TBC1D19: variants seen among roughly 807,000 people sequenced by gnomAD.
TBC1D19 encodes TBC1 domain family, member 19.
A neutral mutation model predicts 89.0 loss-of-function variants in TBC1D19; 60 were observed. That is an observed-to-expected ratio of 0.67 (90% CI 0.55 to 0.84). The LOEUF is 0.84. Among genes scored for constraint, TBC1D19 ranks in the 40% least tolerant of loss-of-function variants. The pLI, the probability that TBC1D19 is intolerant of heterozygous loss-of-function variation, is 0.00. For missense variants in TBC1D19, 500 were observed against 610.8 expected (o/e 0.82, Z 1.91); for synonymous variants, 189 against 199.7 (o/e 0.95, Z 0.45).
chr4:26,628,619 C>T (rs1742590571), intron 4 of TBC1D19, among the ~76,000 whole-genome samples: 1 of 152,260 alleles, frequency 6.6e-6, no homozygotes, highest in South Asian at 2.1e-4. Flanking sequence ...CCCACTGTCT[C>T]AGCCCAAAAT....
intron 6 of TBC1D19, 52 bp downstream of exon 6, chr4:26,638,886 T>A: frequency 7.6e-7 from 1 of 1,307,996 alleles, no homozygotes; most frequent in Non-Finnish European, 1.1e-6. Context: ...ATTGCCTTCT[T>A]AACTGTGGAT....
Position 26,604,606 on chromosome 4 carries a change from C to T in TBC1D19, c.100-8563C>T, listed in dbSNP as rs200697612. ...CTACTATGGGCCGGGCATGGTGGCT[C>T]ACGCCTGTAATCCCAGCACTTTACT... On this transcript the variant is annotated intron_variant, in intron 1 of 20. Coordinates refer to ENST00000264866, the MANE Select transcript of TBC1D19 (RefSeq NM_018317.4). 2.2e-4 allele frequency among the ~76,000 whole-genome samples: 32 copies of T among 148,322 alleles called. No individual in the cohort carries two copies. In the East Asian group the frequency reaches 6.0e-3, roughly 28 times the overall value.
upstream of TBC1D19, among the ~76,000 whole-genome samples, chr4:26,579,700 C>G (rs986074173): frequency 1.3e-5 from 2 of 151,742 alleles, no homozygotes; most frequent in African/African-American, 4.9e-5. Flanking sequence ...TGTTGTTCCC[C>G]TAGCTGTGTC....
chr4:26,692,449 C>G (rs1336118692), intron 13 of TBC1D19, among the ~76,000 whole-genome samples: 1 of 152,146 alleles, frequency 6.6e-6, no homozygotes, highest in Admixed American at 6.5e-5. Context: ...CAGAGGCTAC[C>G]ACCCTCACCA....
chr4:26,827,600 TCAAAA>T, the TBC1D19 span, among the ~76,000 whole-genome samples: 2 of 151,994 alleles, frequency 1.3e-5, no homozygotes, highest in East Asian at 3.8e-4. Context: ...CAAGACTGTC[TCAAAA>T]CAAAACAAAA....
chr4:26,817,981 A>AAAAAT, the TBC1D19 span, among the ~76,000 whole-genome samples: 296 of 126,026 alleles, frequency 2.3e-3, 4 homozygotes, highest in African/African-American at 0.01. Flanking sequence ...AAAAAAAAAA[A>AAAAAT]ATATATATAT....
chr4:26,668,165 A>G (rs1313040688), intron 9 of TBC1D19, among the ~76,000 whole-genome samples: 1 of 151,896 alleles, frequency 6.6e-6, no homozygotes, highest in Non-Finnish European at 1.5e-5. Flanking sequence ...AAGATATAAA[A>G]TATCTTATAA....
chr4:26,597,632 G>A (rs1740316658), intron 1 of TBC1D19, among the ~76,000 whole-genome samples: 1 of 151,414 alleles, frequency 6.6e-6, no homozygotes, highest in Non-Finnish European at 1.5e-5. Flanking sequence ...CCAAAGTGCT[G>A]GGATTGCAGG....
At chr4:26,823,144 A>G in the TBC1D19 span, among the ~76,000 whole-genome samples, 3,619 of 152,324 alleles carry the variant, frequency 0.024, 132 homozygotes, top group African/African-American at 0.081. Context: ...AGCAAGTCAC[A>G]TCTTACATGG....
At chr4:26,845,565 T>C in the TBC1D19 span, among the ~76,000 whole-genome samples, 1 of 152,340 alleles carries the variant, frequency 6.6e-6, no homozygotes, top group Admixed American at 6.5e-5. Flanking sequence ...CAACCACTAC[T>C]CTACTTTCTT....
At chr4:26,848,348 G>A in the TBC1D19 span, among the ~76,000 whole-genome samples, 1 of 152,150 alleles carries the variant, frequency 6.6e-6, no homozygotes, top group Admixed American at 6.5e-5. Flanking sequence ...CAGACTATGG[G>A]TTTTAGCTTT....
chr4:26,799,224 G>T, the TBC1D19 span, among the ~76,000 whole-genome samples: 2 of 152,052 alleles, frequency 1.3e-5, no homozygotes, highest in African/African-American at 4.8e-5. Context: ...GGGGCCTATA[G>T]TCCCAGCTAC....
chr4:26,610,855 G>T (rs1033534548), intron 1 of TBC1D19, among the ~76,000 whole-genome samples: 1 of 152,022 alleles, frequency 6.6e-6, no homozygotes, highest in Non-Finnish European at 1.5e-5. Flanking sequence ...CTGTTGATGG[G>T]CATTTAGGTT....
At chr4:26,834,058 T>C in the TBC1D19 span, among the ~76,000 whole-genome samples, 1 of 152,066 alleles carries the variant, frequency 6.6e-6, no homozygotes, top group Middle Eastern at 3.2e-3. Flanking sequence ...TCTTATGAGA[T>C]CTGGTTGTTT....
At chr4:26,664,487 G>T (rs1711605804) in intron 8 of TBC1D19, among the ~76,000 whole-genome samples, 2 of 152,038 alleles carry the variant, frequency 1.3e-5, no homozygotes, top group Admixed American at 1.3e-4. Context: ...GAAGATTAAG[G>T]TTATTTTTAA....
the TBC1D19 span, among the ~76,000 whole-genome samples, chr4:26,802,672 AT>A: frequency 1.3e-5 from 2 of 152,236 alleles, no homozygotes; most frequent in South Asian, 2.1e-4. Flanking sequence ...ACAGAAAAAA[AT>A]ATATGAAATA....
the TBC1D19 span, among the ~76,000 whole-genome samples, chr4:26,777,106 C>T: frequency 6.7e-6 from 1 of 149,384 alleles, no homozygotes; most frequent in Non-Finnish European, 1.5e-5. Flanking sequence ...TATATCTTTA[C>T]ATAGCTCTAT....
chr4:26,669,504 A>G (rs534521760), intron 9 of TBC1D19, among the ~76,000 whole-genome samples: 2 of 151,978 alleles, frequency 1.3e-5, no homozygotes, highest in East Asian at 3.9e-4. Context: ...ACACAGAATT[A>G]GAGTGTAAGT....
At chr4:26,601,149 A>G (rs955960719) in intron 1 of TBC1D19, among the ~76,000 whole-genome samples, 1 of 151,876 alleles carries the variant, frequency 6.6e-6, no homozygotes, top group Non-Finnish European at 1.5e-5. Flanking sequence ...ATATATACAT[A>G]TATACATAGA....
Sources: gnomAD v4.1 joint callset for allele counts (sites outside exome capture counted in the v4.1 genomes callset) on GRCh38, gnomAD v4.1.1 for gene constraint, MANE v1.5 for transcripts, NCBI Gene and HGNC (gene_info 2026-07-23, HGNC 2026-07-21) for gene names.